Variants in IMMP2L observed in about 807,000 individuals in gnomAD.
The protein encoded by IMMP2L is inner mitochondrial membrane peptidase subunit 2, also known as mitochondrial inner membrane protease subunit 2.
In IMMP2L, 18 loss-of-function variants were observed where a neutral mutation model predicts 19.3. The observed-to-expected ratio is 0.93, with a 90% CI of 0.64 to 1.38. The LOEUF is 1.38. Ranked by LOEUF, IMMP2L falls within the 40% of genes most tolerant of loss-of-function variation. IMMP2L has a pLI of 0.00. For synonymous variants in IMMP2L, 76 were observed against 73.0 expected (o/e 1.04, Z -0.21); for missense variants, 233 against 218.2 (o/e 1.07, Z -0.43).
intron 5 of IMMP2L, among the ~76,000 whole-genome samples, chr7:110,882,798 T>C (rs1021319522): frequency 2.6e-5 from 4 of 151,864 alleles, no homozygotes; most frequent in Non-Finnish European, 5.9e-5. Context: ...AAAGAAGCAT[T>C]ATATAGGGGA....
At chr7:111,097,354 A>G (rs1797511031) in intron 3 of IMMP2L, 1 of 151,898 alleles carries the variant, frequency 6.6e-6, no homozygotes, top group African/African-American at 2.4e-5. Flanking sequence ...TTAACTATAG[A>G]AGACATTTAA....
chr7:111,308,523 G>A (rs1823137190), intron 3 of IMMP2L, among the ~76,000 whole-genome samples: 1 of 151,868 alleles, frequency 6.6e-6, no homozygotes, highest in Non-Finnish European at 1.5e-5. Flanking sequence ...AGAACAAAAA[G>A]TTTCTAGGCA....
At chr7:110,730,391 T>G (rs1796183761) in intron 5 of IMMP2L, among the ~76,000 whole-genome samples, 1 of 152,220 alleles carries the variant, frequency 6.6e-6, no homozygotes, top group Non-Finnish European at 1.5e-5. Flanking sequence ...CTCCACATTC[T>G]TCAGCTTTTG....
chr7:110,954,300 A>G lies in IMMP2L; in HGVS notation c.305+9200T>C, dbSNP rs546218678. On this transcript the variant is annotated intron_variant, in intron 4 of 5. Transcript: ENST00000405709. Reference sequence around the variant, plus strand: ...GCTCCAGGGGTTTTAGTGCATCTTCATAGTGGCAATTCTCTTGTTATATTC... The same window carrying G: ...GCTCCAGGGGTTTTAGTGCATCTTCGTAGTGGCAATTCTCTTGTTATATTC... Among the ~76,000 whole-genome samples the G allele has an allele frequency of 1.6e-4, 24 of 152,194 alleles. No individual in the cohort carries two copies. In the South Asian group the frequency reaches 5.0e-3, roughly 32 times the overall value.
chr7:110,836,471 G>A (rs1804485634), intron 5 of IMMP2L, among the ~76,000 whole-genome samples: 1 of 152,060 alleles, frequency 6.6e-6, no homozygotes, highest in African/African-American at 2.4e-5. Context: ...GTTTTAAAAG[G>A]GGAGTTTCTC....
At chr7:110,962,903 T>C (rs1819118301) in intron 4 of IMMP2L, 12 of 1,368,164 alleles carry the variant, frequency 8.8e-6, no homozygotes, top group South Asian at 2.0e-5. Context: ...ATGAGACACA[T>C]CATGCCACAC....
At position 111,514,163 on chromosome 7, in the gene IMMP2L, C is replaced by G. The variant is rs1009067555; in HGVS notation, c.135+7150G>C. Among the ~76,000 whole-genome samples the G allele has an allele frequency of 4.6e-5, 7 of 151,934 alleles. No individual in the cohort carries two copies. The East Asian group carries it at 1.4e-3, about 29-fold the overall frequency. ...TACTGTATTATACACTCGAATTTTA[C>G]TAAGAGAGTAGATCTTAAATGTTCT... On this transcript the variant is annotated intron_variant, in intron 2 of 5. Transcript: ENST00000405709.
rs1554542570 is a variant in IMMP2L at position 111,539,132 on chromosome 7, A to AAAGAAAAGG, written c.-2-17684_-2-17683insCCTTTTCTT. On this transcript the variant is annotated intron_variant, in intron 1 of 5. Coordinates refer to ENST00000405709, the MANE Select transcript of IMMP2L (RefSeq NM_032549.4). ...GACTCCATCTCACAAAAAGAAAAGAAAAGGAAGGAAGGAAGGAAGGAAGGA... is the reference window on the plus strand; with the variant it reads ...GACTCCATCTCACAAAAAGAAAAGAAAAGAAAAGGAAGGAAGGAAGGAAGGAAGGAAGGA... Among the ~76,000 whole-genome samples the AAAGAAAAGG allele has an allele frequency of 8.1e-5, 5 of 61,584 alleles. 1 individual carries two copies. The highest frequency in any genetic ancestry group is 2.0e-4 in the African/African-American group (3 of 15,382). The allele number at this position is 61,584 out of a possible 152,430, so 40.4% of individuals were successfully genotyped here.
chr7:111,322,816 A>G (rs997752656), intron 3 of IMMP2L, among the ~76,000 whole-genome samples: 1 of 151,870 alleles, frequency 6.6e-6, no homozygotes, highest in Non-Finnish European at 1.5e-5. Flanking sequence ...AAGAAAATCC[A>G]TAGCATTAAA....
chr7:110,742,918 T>C (rs1400863275), intron 5 of IMMP2L, among the ~76,000 whole-genome samples: 1 of 152,182 alleles, frequency 6.6e-6, no homozygotes, highest in African/African-American at 2.4e-5. Flanking sequence ...CACATGGACA[T>C]TCCTACGTAC....
intron 3 of IMMP2L, among the ~76,000 whole-genome samples, chr7:110,975,158 T>C (rs1422156651): frequency 5.3e-5 from 8 of 152,214 alleles, no homozygotes; most frequent in Admixed American, 2.0e-4. Flanking sequence ...AAAACAGATA[T>C]ATAACATGAG....
rs1366661475 is a variant in IMMP2L at position 110,877,380 on chromosome 7, G to C, written c.408+9213C>G. Among the ~76,000 whole-genome samples, 2 of 152,144 alleles carry C rather than the reference G, an allele frequency of 1.3e-5. No individual in the cohort carries two copies. Among genetic ancestry groups the C allele is most frequent in the Admixed American group, 1.3e-4 (2 of 15,252 alleles). On this transcript the variant is annotated intron_variant, in intron 5 of 5. Coordinates refer to ENST00000405709, the MANE Select transcript of IMMP2L (RefSeq NM_032549.4). This position sits in a 1 kb window ranked among gnomAD's most constrained non-coding sequence, Gnocchi z 4.0. ...ACTGTGCAATTATACTGCAAATGCT[G>C]TGTGGGGTAACTGGCTTAGTCAGAA... is the stretch of plus-strand genomic sequence containing the variant.
At chr7:111,352,252 G>T (rs956731701) in intron 3 of IMMP2L, among the ~76,000 whole-genome samples, 3 of 151,798 alleles carry the variant, frequency 2.0e-5, no homozygotes, top group Admixed American at 6.6e-5. Context: ...GTACAAAGAT[G>T]ACAAAGACAC....
At chr7:111,415,036 G>T (rs2131551567) in intron 3 of IMMP2L, among the ~76,000 whole-genome samples, 1 of 151,922 alleles carries the variant, frequency 6.6e-6, no homozygotes. Context: ...CGTAATTAAA[G>T]TCCCAAAGCA....
At position 111,123,988 on chromosome 7, in the gene IMMP2L, A is replaced by C. The variant is rs577840813; in HGVS notation, c.240-160423T>G. ...GGACCCACCTGAATTCCAAGGTCAG[A>C]ATGTTCGGCAAGTGCATTTCAGGGA... is the stretch of plus-strand genomic sequence containing the variant. On this transcript the variant is annotated intron_variant, in intron 3 of 5. Coordinates refer to ENST00000405709, the MANE Select transcript of IMMP2L (RefSeq NM_032549.4). The surrounding 1 kb of genome is among the most constrained non-coding windows in gnomAD (Gnocchi z 6.4). 1 of 1,614,034 alleles carries C rather than the reference A, an allele frequency of 6.2e-7. No homozygotes were observed.
intron 3 of IMMP2L, among the ~76,000 whole-genome samples, chr7:111,068,156 T>G (rs1794664791): frequency 6.6e-6 from 1 of 152,126 alleles, no homozygotes; most frequent in South Asian, 2.1e-4. Flanking sequence ...CACACTCACC[T>G]ACATACATAC....
chr7:110,850,433 C>T (rs1048765827), intron 5 of IMMP2L, among the ~76,000 whole-genome samples: 1 of 152,058 alleles, frequency 6.6e-6, no homozygotes, highest in African/African-American at 2.4e-5. Flanking sequence ...TTTGCATTGA[C>T]CTGCCCCTTG....
chr7:111,266,377 T>C (rs1817832293), intron 3 of IMMP2L, among the ~76,000 whole-genome samples: 1 of 151,886 alleles, frequency 6.6e-6, no homozygotes, highest in African/African-American at 2.4e-5. Context: ...ACCCTGTCCC[T>C]ATTAAAAATA....
chr7:111,499,593 G>A (rs1843950688), intron 2 of IMMP2L, among the ~76,000 whole-genome samples: 1 of 152,126 alleles, frequency 6.6e-6, no homozygotes, highest in Non-Finnish European at 1.5e-5. Context: ...AAGACAGAAA[G>A]AAGATAACCA....
Sources: gnomAD v4.1 joint callset for allele counts (sites outside exome capture counted in the v4.1 genomes callset) on GRCh38, gnomAD v4.1.1 for gene constraint, Gnocchi (gnomAD v3.1) non-coding constraint, MANE v1.5 for transcripts, NCBI Gene and HGNC (gene_info 2026-07-23, HGNC 2026-07-21) for gene names.